DMD: variants seen among roughly 807,000 people sequenced by gnomAD.
The protein encoded by DMD is mutant dystrophin.
A neutral mutation model predicts 330.1 loss-of-function variants in DMD; 63 were observed. The ratio of observed to expected loss-of-function variants is 0.19; its 90% CI spans 0.16 to 0.24. The LOEUF (loss-of-function observed/expected upper bound fraction) is 0.24, where lower values mean the gene tolerates loss of function less well. Ranked by LOEUF, DMD falls within the 10% of genes least tolerant of loss-of-function variation. The pLI is 1.00. For synonymous variants in DMD, 1,223 were observed against 959.8 expected (o/e 1.27, Z -5.07); for missense variants, 3,344 against 2,684.1 (o/e 1.25, Z -5.43).
intron 50 of DMD, among the ~76,000 whole-genome samples, chrX:31,798,020 C>A (rs1239753255): frequency 8.9e-6 from 1 of 111,784 alleles, no homozygotes; most frequent in Non-Finnish European, 1.9e-5. Flanking sequence ...AATATTTTTG[C>A]TTTTCTTTTA....
At chrX:32,467,814 C>A (rs1207496061) in intron 23 of DMD, among the ~76,000 whole-genome samples, 1 of 109,267 alleles carries the variant, frequency 9.2e-6, no homozygotes, top group African/African-American at 3.3e-5. Context: ...GAACTTCTGA[C>A]CTCCAGAACA....
intron 48 of DMD, among the ~76,000 whole-genome samples, chrX:31,863,298 A>C (rs371971793): frequency 2.7e-5 from 3 of 112,347 alleles, no homozygotes; most frequent in Non-Finnish European, 3.8e-5. Flanking sequence ...AGCTGAGATC[A>C]CGCCACTGCA....
chrX:32,312,340 G>T (rs1158884203), intron 41 of DMD, among the ~76,000 whole-genome samples: 1 of 111,098 alleles, frequency 9.0e-6, no homozygotes, highest in Non-Finnish European at 1.9e-5. Flanking sequence ...TCTATTTTCT[G>T]ATTCTTCTTT....
At chrX:32,249,337 C>A (rs1379000370) in intron 43 of DMD, among the ~76,000 whole-genome samples, 1 of 111,363 alleles carries the variant, frequency 9.0e-6, no homozygotes, top group African/African-American at 3.3e-5. Context: ...TTTCAAAGCA[C>A]AAAAAAATAC....
chrX:31,808,658 A>G (rs1461689360), intron 50 of DMD, among the ~76,000 whole-genome samples: 1 of 111,405 alleles, frequency 9.0e-6, no homozygotes, highest in Non-Finnish European at 1.9e-5. Flanking sequence ...GTATTGGAAA[A>G]AATAAAACTT....
At chrX:32,093,761 C>A (rs2096489638) in intron 44 of DMD, among the ~76,000 whole-genome samples, 1 of 110,984 alleles carries the variant, frequency 9.0e-6, no homozygotes, top group African/African-American at 3.3e-5. Flanking sequence ...AGAATTAAGA[C>A]AATGGCCCAC....
At chrX:32,863,575 A>C (rs779975283) in intron 2 of DMD, among the ~76,000 whole-genome samples, 45 of 69,982 alleles carry the variant, frequency 6.4e-4, no homozygotes, top group African/African-American at 2.8e-3. Context: ...CACACACACA[A>C]ATACACACAT....
intron 2 of DMD, among the ~76,000 whole-genome samples, chrX:32,899,457 C>T (rs1462819710): frequency 9.1e-6 from 1 of 109,935 alleles, no homozygotes; most frequent in East Asian, 2.9e-4. Context: ...GGGCGGATCA[C>T]GAGATCAAGA....
At chrX:31,811,328 C>T (rs1249135086) in intron 50 of DMD, among the ~76,000 whole-genome samples, 3 of 111,948 alleles carry the variant, frequency 2.7e-5, no homozygotes, top group Non-Finnish European at 5.6e-5. Context: ...GGCCTGGGAC[C>T]AGGGACCCCC....
chrX:31,536,707 C>T (rs1361620669), intron 55 of DMD, among the ~76,000 whole-genome samples: 1 of 111,408 alleles, frequency 9.0e-6, no homozygotes, highest in Non-Finnish European at 1.9e-5. Context: ...GTAGCTATGC[C>T]CATCCTCCTT....
At chrX:32,449,471 G>T (rs1343549170) in intron 26 of DMD, among the ~76,000 whole-genome samples, 20 of 109,750 alleles carry the variant, frequency 1.8e-4, no homozygotes, top group African/African-American at 6.6e-4. Flanking sequence ...CTCTCCTTCT[G>T]GACAAGATAC....
intron 76 of DMD, 27 bp from the exon 77 acceptor site, chrX:31,134,221 G>A: frequency 8.8e-7 from 1 of 1,132,054 alleles, no homozygotes; most frequent in South Asian, 1.8e-5. Flanking sequence ...ACAAATAATG[G>A]AAAATTACAT....
At chrX:33,068,997 T>G (rs1279641780) in intron 1 of DMD, among the ~76,000 whole-genome samples, 1 of 112,250 alleles carries the variant, frequency 8.9e-6, no homozygotes, top group East Asian at 2.8e-4. Flanking sequence ...CAAAGTTCTA[T>G]ACCTATTACT....
intron 2 of DMD, among the ~76,000 whole-genome samples, chrX:32,931,040 T>C (rs1191251998): frequency 9.2e-6 from 1 of 108,307 alleles, no homozygotes; most frequent in Non-Finnish European, 1.9e-5. Flanking sequence ...ATTAATACTA[T>C]ATATATTTCA....
chrX:32,858,785 A>G (rs763823934), intron 2 of DMD, among the ~76,000 whole-genome samples: 5 of 111,170 alleles, frequency 4.5e-5, no homozygotes, highest in Non-Finnish European at 9.4e-5. Flanking sequence ...TAGTATGAAT[A>G]CCCCAGGTAA....
At chrX:32,507,626 T>G (rs1260427215) in intron 18 of DMD, among the ~76,000 whole-genome samples, 2 of 111,550 alleles carry the variant, frequency 1.8e-5, no homozygotes, top group Non-Finnish European at 3.8e-5. Flanking sequence ...ATCTATAAAG[T>G]AGGTACTATT....
At chrX:31,794,718 CTT>C (rs373671829) in intron 50 of DMD, among the ~76,000 whole-genome samples, 4,839 of 99,370 alleles carry the variant, frequency 0.049, 113 homozygotes, top group Middle Eastern at 0.13. Flanking sequence ...GCTAGTTCCT[CTT>C]TTTTTTTTTT....
rs150135663 is a variant in DMD at position 31,754,546 on chromosome X, C to G, written c.7542+19414G>C. On this transcript the variant is annotated intron_variant, in intron 51 of 78. Transcript: ENST00000357033. ...GCTTATCTATTCCTGTTAGAATTTT[C>G]TGCTTGCCACTTCACATAGTATCAA... 3.7e-4 allele frequency among the ~76,000 whole-genome samples: 41 copies of G among 111,134 alleles called. No individual in the cohort carries two copies. The East Asian group carries it at 7.1e-3, about 19-fold the overall frequency.
At chrX:32,823,223 A>C (rs945577740) in intron 5 of DMD, 72 bp downstream of exon 5, 36 of 879,180 alleles carry the variant, frequency 4.1e-5, no homozygotes, top group Non-Finnish European at 6.0e-5. Context: ...CATTTGTTTC[A>C]CACGTCAAGG....
Sources: gnomAD v4.1 joint callset for allele counts (sites outside exome capture counted in the v4.1 genomes callset) on GRCh38, gnomAD v4.1.1 for gene constraint, MANE v1.5 for transcripts, NCBI Gene and HGNC (gene_info 2026-07-23, HGNC 2026-07-21) for gene names.